Variants in CFAP251 observed in about 807,000 individuals in gnomAD.
CFAP251 encodes cilia- and flagella-associated protein 251.
CFAP251 carries 93 observed loss-of-function variants against 126.7 expected under a neutral mutation model. The ratio of observed to expected loss-of-function variants is 0.73; its 90% CI spans 0.62 to 0.87. The LOEUF (loss-of-function observed/expected upper bound fraction) is 0.87. Ranked by LOEUF, CFAP251 falls within the 40% of genes least tolerant of loss-of-function variation. The pLI is 0.00. For missense variants in CFAP251, 1,287 were observed against 1,389.2 expected, an observed-to-expected ratio of 0.93 and a Z score of 1.17; for synonymous variants, 503 against 506.9, an observed-to-expected ratio of 0.99 and a Z score of 0.10.
intron 19 of CFAP251, chr12:121,992,298 T>G: frequency 6.1e-6 from 6 of 985,436 alleles, no homozygotes; most frequent in Non-Finnish European, 7.2e-6. Flanking sequence ...ACTTGCGAAG[T>G]CGGCTCAGGA....
intron 5 of CFAP251, 34 bp downstream of exon 5, chr12:121,934,390 A>G: frequency 1.3e-6 from 2 of 1,524,508 alleles, no homozygotes; most frequent in Non-Finnish European, 1.8e-6. Flanking sequence ...TTTTTCCCTG[A>G]ATTTCTGTAG....
At chr12:121,941,845 G>A (rs1881129749) in intron 5 of CFAP251, among the ~76,000 whole-genome samples, 1 of 152,142 alleles carries the variant, frequency 6.6e-6, no homozygotes, top group Non-Finnish European at 1.5e-5. Flanking sequence ...TGCATTGAAG[G>A]TTTTGATAGA....
intron 19 of CFAP251, among the ~76,000 whole-genome samples, chr12:121,990,864 C>G (rs954309907): frequency 5.3e-5 from 8 of 152,214 alleles, no homozygotes; most frequent in African/African-American, 1.9e-4. Context: ...CCTGTTAGTT[C>G]GCTTTCCTTG....
intron 2 of CFAP251, among the ~76,000 whole-genome samples, chr12:121,923,011 G>C (rs1335927146): frequency 6.6e-6 from 1 of 151,992 alleles, no homozygotes; most frequent in Non-Finnish European, 1.5e-5. Flanking sequence ...TAGCCAGGAT[G>C]GTCTCGATCT....
At chr12:121,950,593 T>G (rs1881484478) in intron 8 of CFAP251, 1 of 152,164 alleles carries the variant, frequency 6.6e-6, no homozygotes. Flanking sequence ...GGTCTCACTC[T>G]GTCATCCAGG....
At chr12:121,930,078 C>T (rs1176564149) in intron 3 of CFAP251, among the ~76,000 whole-genome samples, 2 of 152,186 alleles carry the variant, frequency 1.3e-5, no homozygotes, top group African/African-American at 2.4e-5. Context: ...ATTCACTTAC[C>T]AACACGCATG....
At position 121,958,338 on chromosome 12, in the gene CFAP251, G is replaced by A; in HGVS notation, c.1797G>A (p.Glu599=). 6.2e-7 allele frequency: 1 copy of A among 1,614,204 alleles called. No homozygotes were observed. Among genetic ancestry groups the A allele is most frequent in the Middle Eastern group, 1.6e-4 (1 of 6,062 alleles). The change falls in exon 12 of 22, where the codon GAG becomes GAA. Residue 599 remains glutamate, a synonymous_variant. Transcript: ENST00000288912. The part of the protein sequence containing the change: ...YHLTTDGTKL[E]KLFVEPKDAI... The stretch of plus-strand genomic sequence containing the variant: ...TAACAACAGATGGGACCAAACTTGA[G>A]AAGTTATTTGTAGAGCCCAAGGATG...
At chr12:121,920,521 C>T (rs371658364) in intron 1 of CFAP251, among the ~76,000 whole-genome samples, 10 of 152,102 alleles carry the variant, frequency 6.6e-5, no homozygotes, top group East Asian at 5.9e-4. Flanking sequence ...CTCAGCCTCC[C>T]GAGTAGCTGG....
intron 12 of CFAP251, 67 bp downstream of exon 12, chr12:121,958,589 G>C (rs1178552368): frequency 2.5e-6 from 4 of 1,594,670 alleles, no homozygotes; most frequent in Non-Finnish European, 3.4e-6. Context: ...GGATGCACCT[G>C]GGCTGGCATA....
chr12:121,923,546 G>C, intron 2 of CFAP251, 76 bp from the exon 3 acceptor site: 2 of 1,510,522 alleles, frequency 1.3e-6, no homozygotes, highest in Non-Finnish European at 8.8e-7. Flanking sequence ...AAGACTGGCT[G>C]ACTGGGAATA....
chr12:121,942,269 C>T (rs147745345), intron 5 of CFAP251, among the ~76,000 whole-genome samples: 109 of 152,222 alleles, frequency 7.2e-4, no homozygotes, highest in African/African-American at 2.4e-3. Flanking sequence ...TTGCCTATTC[C>T]GGCCGTTTCA....
chr12:121,922,823 T>C (rs1880242010), intron 2 of CFAP251, among the ~76,000 whole-genome samples: 1 of 152,226 alleles, frequency 6.6e-6, no homozygotes, highest in Non-Finnish European at 1.5e-5. Context: ...GGAGTCTCGC[T>C]CTGTCGCCCA....
chr12:121,967,608 A>G (rs1191986621), intron 16 of CFAP251, among the ~76,000 whole-genome samples: 2 of 152,322 alleles, frequency 1.3e-5, no homozygotes, highest in African/African-American at 4.8e-5. Context: ...AGGCTGAGGC[A>G]GGAGAATGGC....
chr12:121,947,394 C>G (rs891359821), intron 7 of CFAP251, among the ~76,000 whole-genome samples: 1 of 152,158 alleles, frequency 6.6e-6, no homozygotes, highest in African/African-American at 2.4e-5. Flanking sequence ...CTCGGATCTC[C>G]TGTGGCTTCT....
At position 121,922,078 on chromosome 12, in the gene CFAP251, C is replaced by A. The variant is rs945344794; in HGVS notation, c.378+395C>A. ...CCAAAGTGCTAGGATTACAGGCACACGCCACCACGCCCGGCCACAATCCAT... is the reference window on the plus strand; with the variant it reads ...CCAAAGTGCTAGGATTACAGGCACAAGCCACCACGCCCGGCCACAATCCAT... On this transcript the variant is annotated intron_variant, in intron 2 of 21. Transcript: ENST00000288912. 4.1e-5 allele frequency among the ~76,000 whole-genome samples: 6 copies of A among 147,670 alleles called. No homozygotes were observed. The Admixed American group carries it at 4.1e-4, about 10-fold the overall frequency.
At chr12:121,980,923 C>T (rs1292624585) in intron 19 of CFAP251, among the ~76,000 whole-genome samples, 1 of 152,156 alleles carries the variant, frequency 6.6e-6, no homozygotes, top group South Asian at 2.1e-4. Context: ...GTGGTCTGAA[C>T]GCCGGAGTCT....
chr12:121,988,338 T>G (rs941039783), intron 19 of CFAP251, among the ~76,000 whole-genome samples: 1 of 152,160 alleles, frequency 6.6e-6, no homozygotes, highest in Admixed American at 6.6e-5. Flanking sequence ...CACGTAATCC[T>G]AGAACATGTT....
intron 5 of CFAP251, among the ~76,000 whole-genome samples, chr12:121,937,022 A>G (rs1247414105): frequency 6.6e-6 from 1 of 152,196 alleles, no homozygotes; most frequent in Non-Finnish European, 1.5e-5. Flanking sequence ...AGGCCCAGAG[A>G]AGAAAGTGAC....
At chr12:121,938,171 A>AT (rs564574475) in intron 5 of CFAP251, among the ~76,000 whole-genome samples, 7,471 of 143,290 alleles carry the variant, frequency 0.052, 200 homozygotes, top group South Asian at 0.057. Flanking sequence ...AGCCTGGCTA[A>AT]TTTTTTTTTT....
Sources: gnomAD v4.1 joint callset for allele counts (sites outside exome capture counted in the v4.1 genomes callset) on GRCh38, gnomAD v4.1.1 for gene constraint, MANE v1.5 for transcripts, NCBI Gene and HGNC (gene_info 2026-07-23, HGNC 2026-07-21) for gene names.